Variants in LYZL2 observed in about 807,000 individuals in gnomAD.
The protein encoded by LYZL2 is lysozyme like 2, also known as lysozyme-like protein 2.
A neutral mutation model predicts 17.1 loss-of-function variants in LYZL2; 13 were observed. The ratio of observed to expected loss-of-function variants is 0.76; its 90% CI spans 0.49 to 1.21. The LOEUF (loss-of-function observed/expected upper bound fraction) is 1.21, where lower values mean the gene tolerates loss of function less well. LYZL2 is among the 50% of genes most tolerant of loss of function. LYZL2 has a pLI of 0.00. For missense variants in LYZL2, 166 were observed against 189.2 expected (o/e 0.88, Z 0.72); for synonymous variants, 63 against 74.4 (o/e 0.85, Z 0.79).
At chr10:30,626,612 G>A (rs1243095304) in intron 2 of LYZL2, among the ~76,000 whole-genome samples, 165 bp downstream of exon 2, 1 of 152,128 alleles carries the variant, frequency 6.6e-6, no homozygotes, top group Non-Finnish European at 1.5e-5. Flanking sequence ...GGGGAGGAAG[G>A]AGAGGAGACC....
At chr10:30,614,574 A>T (rs1191930757) in intron 3 of LYZL2, among the ~76,000 whole-genome samples, 1 of 152,226 alleles carries the variant, frequency 6.6e-6, no homozygotes, top group South Asian at 2.1e-4. Context: ...CATGACCACC[A>T]CAACCACCAA....
chr10:30,626,695 C>G (rs1838712624), intron 2 of LYZL2, 82 bp downstream of exon 2: 1 of 1,580,242 alleles, frequency 6.3e-7, no homozygotes, highest in East Asian at 2.2e-5. Flanking sequence ...TGGGGAGACA[C>G]AGCAGGGAGT....
chr10:30,610,712 C>T (rs1043724301), downstream of LYZL2, among the ~76,000 whole-genome samples: 1 of 152,180 alleles, frequency 6.6e-6, no homozygotes, highest in Non-Finnish European at 1.5e-5. Flanking sequence ...GGATTAAAAG[C>T]ATGAGCCACT....
rs184978473 is a variant in LYZL2 at position 30,614,323 on chromosome 10, T to C, written c.299-1423A>G. 1.6e-3 allele frequency among the ~76,000 whole-genome samples: 246 copies of C among 152,292 alleles called. 2 individuals carry two copies. Among genetic ancestry groups the C allele is most frequent in the Admixed American group, 0.011 (168 of 15,296 alleles). ...TTTGTGACGCAGACCCAGCAATTCA[T>C]TGGGCAGCCCAGCCATGAGCTCCCG... On this transcript the variant is annotated intron_variant, in intron 3 of 4. Transcript: ENST00000647634.
At chr10:30,616,673 C>G (rs1838532638) in intron 3 of LYZL2, among the ~76,000 whole-genome samples, 1 of 152,228 alleles carries the variant, frequency 6.6e-6, no homozygotes, top group Non-Finnish European at 1.5e-5. Context: ...AAATCTCCAT[C>G]AGTCCTCAGA....
chr10:30,623,677 G>A (rs1838659036), intron 3 of LYZL2, among the ~76,000 whole-genome samples: 4 of 152,168 alleles, frequency 2.6e-5, no homozygotes. Flanking sequence ...ACCCCCAGAT[G>A]GGACTGTCTA....
Position 30,612,038 on chromosome 10 carries a change from G to A in LYZL2, c.378-14C>T. On this transcript the variant is annotated splice_polypyrimidine_tract_variant and intron_variant, in intron 4 of 4. Transcript: ENST00000647634. ...TTCCAGCCTTGCCTGAGGACGAGAG[G>A]GAAGCAAGAGCAGCAGAAAGAAGCG... 6.2e-7 allele frequency: 1 copy of A among 1,613,454 alleles called. No individual in the cohort carries two copies. Among genetic ancestry groups the A allele is most frequent in the Middle Eastern group, 1.6e-4 (1 of 6,062 alleles).
chr10:30,623,103 C>T (rs906037507), intron 3 of LYZL2, among the ~76,000 whole-genome samples: 1 of 152,168 alleles, frequency 6.6e-6, no homozygotes, highest in Non-Finnish European at 1.5e-5. Context: ...ACCACAAGGA[C>T]ATAACAACCC....
At chr10:30,617,870 A>G (rs1173956228) in intron 3 of LYZL2, among the ~76,000 whole-genome samples, 1 of 152,014 alleles carries the variant, frequency 6.6e-6, no homozygotes, top group South Asian at 2.1e-4. Context: ...AATTAGGAAA[A>G]GAGGAAGTCA....
downstream of LYZL2, among the ~76,000 whole-genome samples, chr10:30,610,187 C>G (rs1326015482): frequency 6.6e-6 from 1 of 151,744 alleles, no homozygotes; most frequent in Middle Eastern, 3.2e-3. Context: ...TGTGTTGGGC[C>G]ACATTTAAAG....
At chr10:30,617,200 G>A (rs1471089796) in intron 3 of LYZL2, among the ~76,000 whole-genome samples, 1 of 152,132 alleles carries the variant, frequency 6.6e-6, no homozygotes, top group African/African-American at 2.4e-5. Flanking sequence ...CATTTGTACT[G>A]GGGGCAGGGC....
chr10:30,624,542 T>C (rs1433867852), intron 3 of LYZL2, among the ~76,000 whole-genome samples: 2 of 152,168 alleles, frequency 1.3e-5, no homozygotes, highest in East Asian at 1.9e-4. Context: ...GTAAGTAGAG[T>C]CTATTAATAT....
At chr10:30,622,493 G>A (rs1233154633) in intron 3 of LYZL2, among the ~76,000 whole-genome samples, 2 of 149,588 alleles carry the variant, frequency 1.3e-5, no homozygotes, top group Non-Finnish European at 3.0e-5. Context: ...AGGGTGCAAT[G>A]AGCCAAGATC....
At chr10:30,627,925 C>T (rs1032328951) in intron 1 of LYZL2, among the ~76,000 whole-genome samples, 1 of 152,124 alleles carries the variant, frequency 6.6e-6, no homozygotes, top group Non-Finnish European at 1.5e-5. Flanking sequence ...TTTGGGAGGC[C>T]GAGACGGGCG....
intron 2 of LYZL2, among the ~76,000 whole-genome samples, chr10:30,626,469 A>G (rs770001300): frequency 3.3e-5 from 5 of 152,254 alleles, no homozygotes; most frequent in Non-Finnish European, 7.3e-5. Flanking sequence ...ACACCCAGTC[A>G]GGGGCTGAGC....
downstream of LYZL2, among the ~76,000 whole-genome samples, chr10:30,611,570 G>GAAA (rs1554784962): frequency 0.019 from 1,031 of 53,954 alleles, 15 homozygotes; most frequent in South Asian, 0.036. Flanking sequence ...AAGGAAGGAA[G>GAAA]GAAAGAAAGA....
intron 3 of LYZL2, among the ~76,000 whole-genome samples, chr10:30,624,472 G>A (rs1353154827): frequency 2.6e-5 from 4 of 152,072 alleles, no homozygotes; most frequent in Non-Finnish European, 5.9e-5. Flanking sequence ...TTTGGGCAAG[G>A]GATTCTTAAT....
chr10:30,608,706 TG>T (rs1288195697), downstream of LYZL2, among the ~76,000 whole-genome samples: 19 of 152,290 alleles, frequency 1.2e-4, no homozygotes, highest in Admixed American at 9.2e-4. Flanking sequence ...CCAAGGTTGT[TG>T]TGAGGAGCAT....
chr10:30,617,674 CAAAAAA>C (rs1165550893), intron 3 of LYZL2, among the ~76,000 whole-genome samples: 31 of 50,212 alleles, frequency 6.2e-4, no homozygotes, highest in Non-Finnish European at 8.7e-4. Flanking sequence ...GACTCTGTCT[CAAAAAA>C]AAAAAAAAAA....
Sources: gnomAD v4.1 joint callset for allele counts (sites outside exome capture counted in the v4.1 genomes callset) on GRCh38, gnomAD v4.1.1 for gene constraint, MANE v1.5 for transcripts, NCBI Gene and HGNC (gene_info 2026-07-23, HGNC 2026-07-21) for gene names.